DENND1A: variants seen among roughly 807,000 people sequenced by gnomAD.
DENND1A encodes the protein DENN domain-containing protein 1A.
DENND1A carries 51 observed loss-of-function variants against 113.7 expected under a neutral mutation model. The ratio of observed to expected loss-of-function variants is 0.45; its 90% CI spans 0.36 to 0.57. DENND1A has a LOEUF of 0.57. Ranked by LOEUF, DENND1A falls within the 20% of genes least tolerant of loss-of-function variation. The pLI is 0.00. For missense variants in DENND1A, 1,258 were observed against 1,395.9 expected (o/e 0.90, Z 1.57); for synonymous variants, 565 against 570.8 (o/e 0.99, Z 0.14).
chr9:123,801,231 G>A (rs1009511899), intron 2 of DENND1A, among the ~76,000 whole-genome samples: 4 of 152,106 alleles, frequency 2.6e-5, no homozygotes, highest in Non-Finnish European at 4.4e-5. Flanking sequence ...CATTCACATT[G>A]TTGTGCCACA....
At chr9:123,433,738 T>C (rs2046311640) in intron 19 of DENND1A, among the ~76,000 whole-genome samples, 1 of 152,188 alleles carries the variant, frequency 6.6e-6, no homozygotes, top group Admixed American at 6.5e-5. Flanking sequence ...CCTAGTCTCT[T>C]TCACAGATAA....
intron 9 of DENND1A, among the ~76,000 whole-genome samples, chr9:123,645,932 T>G (rs1042864551): frequency 2.0e-5 from 3 of 152,316 alleles, no homozygotes; most frequent in African/African-American, 7.2e-5. Context: ...TGAACTGTTA[T>G]CCTCTCAGAG....
chr9:123,411,878 A>C, intron 19 of DENND1A, 49 bp from the exon 20 acceptor site: 2 of 982,084 alleles, frequency 2.0e-6, no homozygotes, highest in Non-Finnish European at 2.4e-6. Flanking sequence ...GAGAAGGCTC[A>C]ATGCATTTCC....
At chr9:123,887,617 G>T (rs111813840) in intron 1 of DENND1A, among the ~76,000 whole-genome samples, 1 of 151,720 alleles carries the variant, frequency 6.6e-6, no homozygotes, top group Non-Finnish European at 1.5e-5. Flanking sequence ...AAGCAGGCAT[G>T]AGGAGATCGT....
chr9:123,681,911 G>A (rs2064488403), intron 5 of DENND1A, among the ~76,000 whole-genome samples: 1 of 151,032 alleles, frequency 6.6e-6, no homozygotes, highest in Admixed American at 6.6e-5. Flanking sequence ...ATGCTGTGTT[G>A]GGTTAGGAAA....
At chr9:123,714,848 T>C (rs4838077) in intron 5 of DENND1A, among the ~76,000 whole-genome samples, 31,411 of 152,112 alleles carry the variant, frequency 0.21, 3,494 homozygotes, top group African/African-American at 0.29. Context: ...TCAGGTTTCA[T>C]TGGCTTCTTA....
intron 21 of DENND1A, among the ~76,000 whole-genome samples, chr9:123,388,240 G>A (rs1488189406): frequency 6.6e-6 from 1 of 152,164 alleles, no homozygotes; most frequent in Non-Finnish European, 1.5e-5. Flanking sequence ...CCCATGAAAC[G>A]TAATGTTTAT....
At chr9:123,496,819 C>G (rs1158312532) in intron 13 of DENND1A, among the ~76,000 whole-genome samples, 2 of 152,190 alleles carry the variant, frequency 1.3e-5, no homozygotes, top group Non-Finnish European at 2.9e-5. Flanking sequence ...CTGTGTGCTG[C>G]CGGTGCCCTT....
chr9:123,627,739 C>CAA (rs764341977), intron 10 of DENND1A, among the ~76,000 whole-genome samples: 1,203 of 57,602 alleles, frequency 0.021, 40 homozygotes, highest in African/African-American at 0.073. Context: ...AACTCTGTCT[C>CAA]AAAAAAAAAA....
intron 7 of DENND1A, among the ~76,000 whole-genome samples, chr9:123,670,206 A>G (rs1224190211): frequency 1.3e-5 from 2 of 152,156 alleles, no homozygotes; most frequent in South Asian, 2.1e-4. Flanking sequence ...TTTCTTTAGG[A>G]GGGGAGATAC....
intron 11 of DENND1A, among the ~76,000 whole-genome samples, chr9:123,588,635 G>GA (rs1010857660): frequency 7.6e-6 from 1 of 131,328 alleles, no homozygotes; most frequent in Admixed American, 7.5e-5. Flanking sequence ...AAAAAAAAAG[G>GA]GGGGGGGGGA....
chr9:123,542,759 A>T (rs2135644165), intron 13 of DENND1A, among the ~76,000 whole-genome samples: 1 of 152,164 alleles, frequency 6.6e-6, no homozygotes, highest in African/African-American at 2.4e-5. Flanking sequence ...CACTGCACAG[A>T]CCCGCAGGGA....
intron 3 of DENND1A, among the ~76,000 whole-genome samples, chr9:123,776,719 A>C (rs1329348139): frequency 6.6e-6 from 1 of 152,212 alleles, no homozygotes; most frequent in East Asian, 1.9e-4. Flanking sequence ...TTTTTTTCAG[A>C]ACTGGCATAA....
chr9:123,607,488 GACACAC>G (rs10557656), intron 11 of DENND1A, among the ~76,000 whole-genome samples: 6,425 of 69,852 alleles, frequency 0.092, 322 homozygotes, highest in Admixed American at 0.13. Flanking sequence ...CAGAGAGAGA[GACACAC>G]ACACACACAC....
intron 9 of DENND1A, among the ~76,000 whole-genome samples, chr9:123,645,979 C>A (rs141444953): frequency 9.2e-5 from 14 of 152,328 alleles, no homozygotes; most frequent in African/African-American, 3.4e-4. Flanking sequence ...CTTCATTCCA[C>A]AAATATTTAT....
chr9:123,572,011 A>T (rs753465703), intron 12 of DENND1A, among the ~76,000 whole-genome samples: 1 of 152,222 alleles, frequency 6.6e-6, no homozygotes, highest in Non-Finnish European at 1.5e-5. Flanking sequence ...TTATTGAGGT[A>T]TGATTTACAT....
chr9:123,909,373 AAAAATAAAATAAAATAT>A (rs1338357119), intron 1 of DENND1A, among the ~76,000 whole-genome samples: 9 of 150,570 alleles, frequency 6.0e-5, no homozygotes, highest in Admixed American at 5.9e-4. Context: ...AAAACAATAA[AAAAATAAAATAAAATAT>A]AAAATAAAAT....
At chr9:123,731,955 A>T (rs937796105) in intron 5 of DENND1A, among the ~76,000 whole-genome samples, 4 of 152,242 alleles carry the variant, frequency 2.6e-5, no homozygotes, top group African/African-American at 9.6e-5. Context: ...AATGACAAAT[A>T]AGCACGATAT....
chr9:123,414,678 T>C, intron 19 of DENND1A: 6 of 1,487,700 alleles, frequency 4.0e-6, no homozygotes, highest in South Asian at 1.2e-5. Flanking sequence ...TAAAAAGTCC[T>C]ATTTCCCAAG....
Sources: allele counts gnomAD v4.1 joint callset (sites outside exome capture counted in the v4.1 genomes callset), GRCh38; gene constraint gnomAD v4.1.1; transcripts MANE v1.5; gene names NCBI Gene and HGNC (gene_info 2026-07-23, HGNC 2026-07-21).